The following TENM3 variants were observed in gnomAD, a reference collection of about 807,000 sequenced individuals.
The protein encoded by TENM3 is teneurin-3.
TENM3 carries 63 observed loss-of-function variants against 255.1 expected under a neutral mutation model. That is an observed-to-expected ratio of 0.25 (90% CI 0.20 to 0.30). TENM3 has a LOEUF of 0.30. TENM3 is among the 10% of genes least tolerant of loss of function. The probability of loss-of-function intolerance (pLI) is 1.00; values close to 1 mark genes in which losing one functional copy is unlikely to be tolerated. For synonymous variants in TENM3, 1,306 were observed against 1,322.3 expected (o/e 0.99, Z 0.27); for missense variants, 2,929 against 3,461.1 (o/e 0.85, Z 3.86).
chr4:181,649,384 T>G, the TENM3 span, among the ~76,000 whole-genome samples: 1 of 152,220 alleles, frequency 6.6e-6, no homozygotes, highest in East Asian at 1.9e-4. Flanking sequence ...TAAGTCATAT[T>G]TGATGAAGGC....
chr4:182,120,011 T>G, the TENM3 span, among the ~76,000 whole-genome samples: 1 of 152,054 alleles, frequency 6.6e-6, no homozygotes, highest in Non-Finnish European at 1.5e-5. Flanking sequence ...CTCCCCATAG[T>G]TTTTAGATAA....
intron 3 of TENM3, among the ~76,000 whole-genome samples, chr4:182,495,066 G>T (rs1033364115): frequency 6.6e-6 from 1 of 152,144 alleles, no homozygotes; most frequent in African/African-American, 2.4e-5. Context: ...GGGCAAGGCT[G>T]TGATATTAAT....
chr4:181,477,766 G>T, the TENM3 span, among the ~76,000 whole-genome samples: 6 of 152,158 alleles, frequency 3.9e-5, no homozygotes, highest in Non-Finnish European at 5.9e-5. Flanking sequence ...GAGTATTTGG[G>T]TGTGATTCAT....
rs183033436 is a variant in TENM3, at chr4:182,699,201, A to G, written c.2221+10850A>G. ...AATTAAGCTTTCTCCTACAAGGCCC[A>G]CTGGAAGGCGGGCCCACTGGCATTA... On this transcript the variant is annotated intron_variant, in intron 12 of 27. Transcript: ENST00000511685. Among the ~76,000 whole-genome samples the G allele has an allele frequency of 2.8e-3, 429 of 152,348 alleles. 1 individual carries two copies. The highest frequency in any genetic ancestry group is 4.8e-3 in the Non-Finnish European group (327 of 68,022).
chr4:181,745,174 G>C, the TENM3 span, among the ~76,000 whole-genome samples: 143 of 152,188 alleles, frequency 9.4e-4, no homozygotes, highest in East Asian at 0.023. Context: ...ACCAGAAAAG[G>C]GTGGTTTCCT....
rs140587673 is a variant in TENM3, at chr4:182,628,293, G to A, written c.750-358G>A. On this transcript the variant is annotated intron_variant, in intron 4 of 27. Coordinates refer to ENST00000511685, the MANE Select transcript of TENM3 (RefSeq NM_001080477.4). ...TTGCTAACTGTGAAAATGCTCTTAG[G>A]GTAATTCATCAAGGGACATTCCAAA... Among the ~76,000 whole-genome samples the A allele has an allele frequency of 3.1e-3, 465 of 152,102 alleles. 3 individuals carry two copies. The highest frequency in any genetic ancestry group is 0.011 in the African/African-American group (457 of 41,512).
the TENM3 span, among the ~76,000 whole-genome samples, chr4:181,663,153 C>G: frequency 6.6e-6 from 1 of 152,152 alleles, no homozygotes; most frequent in African/African-American, 2.4e-5. Context: ...TCACTCATCA[C>G]CTAGTTCAAC....
At chr4:181,688,712 G>A in the TENM3 span, among the ~76,000 whole-genome samples, 9,982 of 152,286 alleles carry the variant, frequency 0.066, 448 homozygotes, top group South Asian at 0.14. Context: ...GCCTGCCACA[G>A]AGTATCTGTG....
the TENM3 span, among the ~76,000 whole-genome samples, chr4:181,801,560 G>A: frequency 5.3e-5 from 8 of 150,778 alleles, no homozygotes; most frequent in South Asian, 4.2e-4. Context: ...ATAAGCATTC[G>A]TATAAATCTG....
chr4:181,550,469 T>C, the TENM3 span, among the ~76,000 whole-genome samples: 79 of 152,286 alleles, frequency 5.2e-4, no homozygotes, highest in African/African-American at 1.8e-3. Context: ...CAACCATCTT[T>C]TTGTGACTGA....
chr4:182,589,073 T>C (rs1487946737), intron 3 of TENM3, among the ~76,000 whole-genome samples: 1 of 152,194 alleles, frequency 6.6e-6, no homozygotes, highest in Admixed American at 6.5e-5. Flanking sequence ...TGAATAAATA[T>C]ATATTCTGTT....
chr4:182,770,327 G>A (rs956233013), intron 22 of TENM3, among the ~76,000 whole-genome samples: 3 of 151,968 alleles, frequency 2.0e-5, no homozygotes, highest in Non-Finnish European at 2.9e-5. Flanking sequence ...TTAAAACCCC[G>A]CTTTCTTTAA....
chr4:181,515,871 T>C, the TENM3 span, among the ~76,000 whole-genome samples: 1 of 152,148 alleles, frequency 6.6e-6, no homozygotes, highest in African/African-American at 2.4e-5. Flanking sequence ...ATATAAATCA[T>C]TCTATTACAA....
the TENM3 span, among the ~76,000 whole-genome samples, chr4:181,854,034 C>G: frequency 6.6e-6 from 1 of 152,184 alleles, no homozygotes; most frequent in Admixed American, 6.5e-5. Flanking sequence ...CCAGTTGGTT[C>G]TTAATAAGGG....
chr4:182,369,733 T>C (rs964279597), intron 3 of TENM3, among the ~76,000 whole-genome samples: 89 of 152,008 alleles, frequency 5.9e-4, no homozygotes, highest in African/African-American at 2.0e-3. Flanking sequence ...AACAAAAAAT[T>C]AGCTGGGCGT....
At chr4:181,862,984 C>T in the TENM3 span, among the ~76,000 whole-genome samples, 167 of 152,210 alleles carry the variant, frequency 1.1e-3, 1 homozygote, top group African/African-American at 3.8e-3. Flanking sequence ...AGAATGCTCA[C>T]GTGAATCATG....
At chr4:181,519,336 T>A in the TENM3 span, among the ~76,000 whole-genome samples, 2 of 152,370 alleles carry the variant, frequency 1.3e-5, no homozygotes, top group African/African-American at 4.8e-5. Context: ...GATTTCCAAA[T>A]GTATATTTAC....
At chr4:182,240,353 A>G (rs1189898689), upstream of TENM3, among the ~76,000 whole-genome samples, 1 of 152,118 alleles carries the variant, frequency 6.6e-6, no homozygotes, top group Non-Finnish European at 1.5e-5. Context: ...TACGAGAGAC[A>G]CAGAAGAGCG....
chr4:182,751,251 A>C (rs1762350629), intron 19 of TENM3, among the ~76,000 whole-genome samples: 1 of 152,066 alleles, frequency 6.6e-6, no homozygotes, highest in Middle Eastern at 3.4e-3. Context: ...TAGGACAGAC[A>C]CTGGCACTTT....
Sources: gnomAD v4.1 joint callset for allele counts (sites outside exome capture counted in the v4.1 genomes callset) on GRCh38, gnomAD v4.1.1 for gene constraint, MANE v1.5 for transcripts, NCBI Gene and HGNC (gene_info 2026-07-23, HGNC 2026-07-21) for gene names.